Variants in TNNI3K observed in about 807,000 individuals in gnomAD.
The protein encoded by TNNI3K is TNNI3 interacting kinase.
TNNI3K carries 140 observed loss-of-function variants against 114.5 expected under a neutral mutation model. That is an observed-to-expected ratio of 1.22 (90% CI 1.07 to 1.41). The LOEUF (loss-of-function observed/expected upper bound fraction) is 1.41. TNNI3K is among the 40% of genes most tolerant of loss of function. The pLI is 0.00. For synonymous variants in TNNI3K, 347 were observed against 347.5 expected (o/e 1.00, Z 0.02); for missense variants, 1,125 against 1,007.6 (o/e 1.12, Z -1.58).
At chr1:74,348,273 G>A (rs886065910) in intron 9 of TNNI3K, among the ~76,000 whole-genome samples, 3 of 152,162 alleles carry the variant, frequency 2.0e-5, no homozygotes, top group African/African-American at 4.8e-5. Context: ...CCCATTGCTT[G>A]TTTTTGTCAG....
At chr1:74,493,051 T>G (rs1669156857) in intron 23 of TNNI3K, among the ~76,000 whole-genome samples, 1 of 152,204 alleles carries the variant, frequency 6.6e-6, no homozygotes. Flanking sequence ...TGACTTCATT[T>G]AACCTTAATT....
Position 74,518,698 on chromosome 1 carries a change from A to T in TNNI3K, c.2352-21536A>T, listed in dbSNP as rs1390345314. Among the ~76,000 whole-genome samples, 42 of 152,210 alleles carry T rather than the reference A, an allele frequency of 2.8e-4. 1 individual carries two copies. The South Asian group carries it at 4.8e-3, about 17-fold the overall frequency. On this transcript the variant is annotated intron_variant, in intron 23 of 24. Coordinates refer to ENST00000326637, the MANE Select transcript of TNNI3K (RefSeq NM_015978.3). ...AACAATATCTGTTTTTTAAGCTCAA[A>T]ATTATTATATTAGTGTTTTGAACAC... is the stretch of plus-strand genomic sequence containing the variant.
intron 17 of TNNI3K, among the ~76,000 whole-genome samples, chr1:74,383,413 A>C (rs1039553344): frequency 6.6e-6 from 1 of 151,982 alleles, no homozygotes; most frequent in Non-Finnish European, 1.5e-5. Context: ...TCCCTCAGAC[A>C]CAAACATTCG....
intron 24 of TNNI3K, among the ~76,000 whole-genome samples, chr1:74,541,851 G>A (rs1646730599): frequency 6.6e-6 from 1 of 152,118 alleles, no homozygotes; most frequent in Non-Finnish European, 1.5e-5. Flanking sequence ...AAGAAAGAAC[G>A]CTTTAATTGC....
At chr1:74,420,467 A>T (rs1253507050) in intron 17 of TNNI3K, among the ~76,000 whole-genome samples, 1 of 152,118 alleles carries the variant, frequency 6.6e-6, no homozygotes, top group Non-Finnish European at 1.5e-5. Flanking sequence ...CTTGAGAAAT[A>T]CTTCAAAGTG....
At position 74,438,471 on chromosome 1, in the gene TNNI3K, A is replaced by G. The variant is rs1350195665; in HGVS notation, c.1879-1019A>G. 2.0e-5 allele frequency among the ~76,000 whole-genome samples: 3 copies of G among 152,092 alleles called. No homozygotes were observed. In the East Asian group the frequency reaches 5.8e-4, roughly 29 times the overall value. Reference sequence around the variant, plus strand: ...AATGGTTTCCTTCAATGGACATTTAAAAGTGTGTAGCAAAGTTTATTAATA... The same window carrying G: ...AATGGTTTCCTTCAATGGACATTTAGAAGTGTGTAGCAAAGTTTATTAATA... On this transcript the variant is annotated intron_variant, in intron 19 of 24. Coordinates refer to ENST00000326637, the MANE Select transcript of TNNI3K (RefSeq NM_015978.3).
intron 5 of TNNI3K, among the ~76,000 whole-genome samples, chr1:74,290,621 C>T (rs45447493): frequency 0.018 from 2,773 of 151,874 alleles, 86 homozygotes; most frequent in African/African-American, 0.063. Flanking sequence ...CAAGATTATA[C>T]ATTGACATGA....
At chr1:74,235,563 T>A in intron 1 of TNNI3K, 72 bp downstream of exon 1, 2 of 814,826 alleles carry the variant, frequency 2.5e-6, no homozygotes, top group Non-Finnish European at 3.9e-6. Flanking sequence ...AACTAACAAC[T>A]CATTGGAATA....
At chr1:74,511,623 C>G (rs1010869581) in intron 23 of TNNI3K, among the ~76,000 whole-genome samples, 1 of 151,806 alleles carries the variant, frequency 6.6e-6, no homozygotes, top group Non-Finnish European at 1.5e-5. Flanking sequence ...TATTGGACAC[C>G]CAATGATGGA....
At chr1:74,392,903 A>G (rs961968093) in intron 17 of TNNI3K, among the ~76,000 whole-genome samples, 1 of 152,240 alleles carries the variant, frequency 6.6e-6, no homozygotes, top group Non-Finnish European at 1.5e-5. Flanking sequence ...CTTCAGGAAT[A>G]CAAAATAACT....
At chr1:74,242,964 C>T (rs555148782) in intron 2 of TNNI3K, among the ~76,000 whole-genome samples, 1 of 152,028 alleles carries the variant, frequency 6.6e-6, no homozygotes. Context: ...TCTTTTCCAT[C>T]CTGTACCTCC....
rs1223620073 is a variant in TNNI3K, at chr1:74,360,127, A to G, written c.1177+5998A>G. ...TTTTTTACTATCACTATTTTAATTC[A>G]GATCCTCATAATACTTCTTCTAATC... is the stretch of plus-strand genomic sequence containing the variant. On this transcript the variant is annotated intron_variant, in intron 11 of 24. Coordinates refer to ENST00000326637, the MANE Select transcript of TNNI3K (RefSeq NM_015978.3). Among the ~76,000 whole-genome samples, 3 of 151,830 alleles carry G rather than the reference A, an allele frequency of 2.0e-5. No homozygotes were observed. The East Asian group carries it at 5.8e-4, about 29-fold the overall frequency.
chr1:74,427,661 G>T (rs1382272272), intron 17 of TNNI3K, among the ~76,000 whole-genome samples: 1 of 152,004 alleles, frequency 6.6e-6, no homozygotes, highest in East Asian at 1.9e-4. Flanking sequence ...GTCATCTCCT[G>T]TGTTGTTACC....
chr1:74,314,022 G>A (rs1033665155), intron 5 of TNNI3K, among the ~76,000 whole-genome samples: 32 of 146,052 alleles, frequency 2.2e-4, no homozygotes, highest in African/African-American at 7.4e-4. Flanking sequence ...ATTACCTCAG[G>A]GAAGCTGACA....
At chr1:74,364,175 A>C (rs991917988) in intron 11 of TNNI3K, among the ~76,000 whole-genome samples, 15 of 151,412 alleles carry the variant, frequency 9.9e-5, no homozygotes, top group African/African-American at 3.4e-4. Flanking sequence ...AATTTAAAAA[A>C]AAATTTTTTT....
At chr1:74,503,572 G>A (rs1010901968) in intron 23 of TNNI3K, among the ~76,000 whole-genome samples, 2 of 152,068 alleles carry the variant, frequency 1.3e-5, no homozygotes, top group African/African-American at 2.4e-5. Context: ...CCTAAATCTA[G>A]GGACAAGACC....
rs368334798 is a variant in TNNI3K at position 74,367,348 on chromosome 1, C to A, written c.1264+6C>A. 1.2e-6 allele frequency: 2 copies of A among 1,611,324 alleles called. No individual in the cohort carries two copies. The highest frequency in any genetic ancestry group is 2.7e-5 in the African/African-American group (2 of 74,714). ...ATATTCTCAGCCTGGAGGAGGTACC[C>A]CTTTTCTTATTCAGTTTTCATTATT... On this transcript the variant is annotated splice_donor_region_variant and intron_variant, in intron 12 of 24. Coordinates refer to ENST00000326637, the MANE Select transcript of TNNI3K (RefSeq NM_015978.3).
At chr1:74,351,930 G>C (rs1661370781) in intron 9 of TNNI3K, among the ~76,000 whole-genome samples, 1 of 151,968 alleles carries the variant, frequency 6.6e-6, no homozygotes, top group South Asian at 2.1e-4. Context: ...CCTTTAGCTG[G>C]GAGTAGTTTG....
chr1:74,362,963 G>C (rs1389219069), intron 11 of TNNI3K, among the ~76,000 whole-genome samples: 2 of 152,114 alleles, frequency 1.3e-5, no homozygotes, highest in African/African-American at 4.8e-5. Context: ...CATCATTAGA[G>C]TTGCATTAGG....
Sources: gnomAD v4.1 joint callset for allele counts (sites outside exome capture counted in the v4.1 genomes callset) on GRCh38, gnomAD v4.1.1 for gene constraint, MANE v1.5 for transcripts, NCBI Gene and HGNC (gene_info 2026-07-23, HGNC 2026-07-21) for gene names.